HHAT: variants seen among roughly 807,000 people sequenced by gnomAD.
HHAT encodes hedgehog acyltransferase.
A neutral mutation model predicts 70.8 loss-of-function variants in HHAT; 47 were observed. The ratio of observed to expected loss-of-function variants is 0.66; its 90% confidence interval spans 0.53 to 0.85. The LOEUF is 0.85. Ranked by LOEUF, HHAT falls within the 40% of genes least tolerant of loss-of-function variation. The pLI, the probability that HHAT is intolerant of heterozygous loss-of-function variation, is 0.00. For synonymous variants in HHAT, 228 were observed against 247.6 expected (o/e 0.92, Z 0.74); for missense variants, 609 against 604.8 (o/e 1.01, Z -0.07).
At chr1:210,413,841 C>T (rs2092638071) in intron 6 of HHAT, among the ~76,000 whole-genome samples, 1 of 152,150 alleles carries the variant, frequency 6.6e-6, no homozygotes. Flanking sequence ...CCTTCTGAGC[C>T]CTTGCCAAAA....
intron 2 of HHAT, among the ~76,000 whole-genome samples, chr1:210,354,264 G>T (rs2087378731): frequency 7.1e-6 from 1 of 141,232 alleles, no homozygotes; most frequent in Non-Finnish European, 1.5e-5. Flanking sequence ...GAGTACAGTG[G>T]CACGATCTCT....
At chr1:210,553,969 G>A (rs2095550536) in intron 9 of HHAT, among the ~76,000 whole-genome samples, 1 of 152,112 alleles carries the variant, frequency 6.6e-6, no homozygotes, top group African/African-American at 2.4e-5. Context: ...TCATCACTGG[G>A]ATCTGTATTT....
intron 7 of HHAT, among the ~76,000 whole-genome samples, chr1:210,461,540 G>A (rs2093979326): frequency 6.6e-6 from 1 of 152,062 alleles, no homozygotes; most frequent in African/African-American, 2.4e-5. Context: ...GGCCTTTTGT[G>A]ATCTGCCTGC....
At position 210,520,526 on chromosome 1, in the gene HHAT, CTG is replaced by C. The variant is rs370959061; in HGVS notation, c.1043+7340_1043+7341del. Among the ~76,000 whole-genome samples the C allele has an allele frequency of 8.8e-4, 129 of 146,506 alleles. 3 individuals carry two copies. The South Asian group carries it at 0.027, about 31-fold the overall frequency. ...TTTATCTTTCTCATTTGTGTATCTG[CTG>C]TAATTTCTTTGTGGTTACTATGGGA... On this transcript the variant is annotated intron_variant, in intron 9 of 11. Transcript: ENST00000261458.
At chr1:210,379,669 ACTC>A (rs1338640689) in intron 3 of HHAT, among the ~76,000 whole-genome samples, 2 of 149,292 alleles carry the variant, frequency 1.3e-5, no homozygotes, top group African/African-American at 2.5e-5. Flanking sequence ...CAGCTTGAAA[ACTC>A]CTGGAGTTGT....
intron 11 of HHAT, among the ~76,000 whole-genome samples, chr1:210,640,903 C>G (rs1391700961): frequency 6.6e-6 from 1 of 152,168 alleles, no homozygotes; most frequent in African/African-American, 2.4e-5. Flanking sequence ...AGTTAAATGA[C>G]CTGCCAAACC....
intron 11 of HHAT, among the ~76,000 whole-genome samples, chr1:210,657,216 C>T (rs975581437): frequency 6.6e-6 from 1 of 152,194 alleles, no homozygotes; most frequent in Non-Finnish European, 1.5e-5. Flanking sequence ...CTGGCCTGCT[C>T]TTAGGCAGGA....
intron 7 of HHAT, among the ~76,000 whole-genome samples, chr1:210,452,211 G>A (rs951302933): frequency 6.6e-6 from 1 of 151,908 alleles, no homozygotes; most frequent in Non-Finnish European, 1.5e-5. Context: ...CCCATAATTC[G>A]CCTCTCCATT....
Position 210,605,012 on chromosome 1 carries a change from TCAACAACAACAA to T in HHAT, c.1245+16935_1245+16946del, listed in dbSNP as rs66718127. On this transcript the variant is annotated intron_variant, in intron 10 of 11. Coordinates refer to ENST00000261458, the MANE Select transcript of HHAT (RefSeq NM_018194.6). ...TATTGTGCTCCAGCCTGGGCAAGAC[TCAACAACAACAA>T]CAACAACAACAACAACAACAAAGAA... Among the ~76,000 whole-genome samples the T allele has an allele frequency of 1.1e-3, 166 of 150,732 alleles. 2 individuals are homozygous for T. The highest frequency in any genetic ancestry group is 8.6e-3 in the East Asian group (44 of 5,104).
At chr1:210,669,402 A>G (rs1679633129) in intron 11 of HHAT, among the ~76,000 whole-genome samples, 1 of 151,714 alleles carries the variant, frequency 6.6e-6, no homozygotes, top group South Asian at 2.1e-4. Context: ...GTTATTATAC[A>G]GCTCACTGAT....
At chr1:210,331,493 C>T (rs147557946) in intron 1 of HHAT, among the ~76,000 whole-genome samples, 11 of 152,340 alleles carry the variant, frequency 7.2e-5, no homozygotes, top group South Asian at 2.1e-4. Flanking sequence ...CGGTCATTTG[C>T]TATCTCAAAC....
chr1:210,369,300 A>G (rs1177524886), intron 3 of HHAT, among the ~76,000 whole-genome samples: 2 of 152,170 alleles, frequency 1.3e-5, no homozygotes, highest in Non-Finnish European at 2.9e-5. Context: ...ACCTCTAAAT[A>G]AGCTGTTCTT....
chr1:210,390,592 T>C (rs1396761063), intron 4 of HHAT, among the ~76,000 whole-genome samples: 1 of 152,196 alleles, frequency 6.6e-6, no homozygotes, highest in African/African-American at 2.4e-5. Flanking sequence ...GAAATTTTAG[T>C]GTACCTGTCA....
chr1:210,478,340 T>C (rs11119512), intron 8 of HHAT, among the ~76,000 whole-genome samples: 23,358 of 152,266 alleles, frequency 0.15, 2,298 homozygotes, highest in Middle Eastern at 0.25. Flanking sequence ...AAATGTGGCC[T>C]AGGTGCCTTC....
Position 210,386,553 on chromosome 1 carries a change from C to G in HHAT, c.160-915C>G, listed in dbSNP as rs1027011404. Among the ~76,000 whole-genome samples, 7 of 152,242 alleles carry G rather than the reference C, an allele frequency of 4.6e-5. No homozygotes were observed. The East Asian group carries it at 1.4e-3, about 29-fold the overall frequency. On this transcript the variant is annotated intron_variant, in intron 3 of 11. Transcript: ENST00000261458. The stretch of plus-strand genomic sequence containing the variant: ...GCGCCCGGCCTGCAGGAGTCCTTTT[C>G]CAGGCACACATTTTGCTTAGAAAAT...
At chr1:210,392,136 T>C (rs1276418101) in intron 4 of HHAT, among the ~76,000 whole-genome samples, 1 of 152,204 alleles carries the variant, frequency 6.6e-6, no homozygotes, top group Admixed American at 6.5e-5. Flanking sequence ...CCCAAAGTGC[T>C]GGGATTACAG....
At chr1:210,592,879 C>CTTTTTTTT (rs35245794) in intron 10 of HHAT, among the ~76,000 whole-genome samples, 2 of 145,442 alleles carry the variant, frequency 1.4e-5, no homozygotes, top group African/African-American at 2.5e-5. Flanking sequence ...ACCAACTTTT[C>CTTTTTTTT]TTTTTTTTTT....
chr1:210,655,770 C>G (rs536388307), intron 11 of HHAT, among the ~76,000 whole-genome samples: 53 of 152,340 alleles, frequency 3.5e-4, no homozygotes, highest in African/African-American at 1.2e-3. Context: ...CCACAGTTTG[C>G]TAGAACACTG....
At chr1:210,618,785 A>G (rs1558287799) in intron 10 of HHAT, among the ~76,000 whole-genome samples, 2 of 152,130 alleles carry the variant, frequency 1.3e-5, no homozygotes, top group African/African-American at 2.4e-5. Context: ...CAATCCTGTG[A>G]TTTCCAGGGA....
Sources: allele counts gnomAD v4.1 joint callset (sites outside exome capture counted in the v4.1 genomes callset), GRCh38; gene constraint gnomAD v4.1.1; transcripts MANE v1.5; gene names NCBI Gene and HGNC (gene_info 2026-07-23, HGNC 2026-07-21).